The following IGSF11 variants were observed in gnomAD, a reference collection of about 807,000 sequenced individuals.
The protein encoded by IGSF11 is immunoglobulin superfamily member 11.
Under a neutral mutation model 41.0 loss-of-function variants are expected in IGSF11, and 22 were observed. The ratio of observed to expected loss-of-function variants is 0.54; its 90% CI spans 0.38 to 0.77. IGSF11 has a LOEUF of 0.77. IGSF11 is among the 30% of genes least tolerant of loss of function. IGSF11 has a pLI of 0.00. For missense variants in IGSF11, 444 were observed against 530.8 expected (o/e 0.84, Z 1.61); for synonymous variants, 219 against 201.3 (o/e 1.09, Z -0.74).
chr3:118,988,236 T>C (rs1314706307), intron 1 of IGSF11, among the ~76,000 whole-genome samples: 2 of 152,218 alleles, frequency 1.3e-5, no homozygotes, highest in African/African-American at 2.4e-5. Context: ...ATGTACATGA[T>C]AGTGTATGAA....
intron 1 of IGSF11, among the ~76,000 whole-genome samples, chr3:119,056,997 C>G (rs902458531): frequency 1.3e-5 from 2 of 152,150 alleles, no homozygotes; most frequent in Non-Finnish European, 2.9e-5. Context: ...CTATCTATGA[C>G]AAACCCACAG....
intron 1 of IGSF11, among the ~76,000 whole-genome samples, chr3:118,951,475 A>G (rs1944564771): frequency 6.6e-6 from 1 of 152,196 alleles, no homozygotes; most frequent in Admixed American, 6.5e-5. Context: ...TCTATCCTAC[A>G]AAATGTGGTA....
At chr3:119,097,723 C>T (rs2076876866) in intron 1 of IGSF11, among the ~76,000 whole-genome samples, 2 of 152,208 alleles carry the variant, frequency 1.3e-5, no homozygotes, top group African/African-American at 2.4e-5. Context: ...GACTCCATTA[C>T]AAACCTCAAG....
intron 1 of IGSF11, among the ~76,000 whole-genome samples, chr3:118,965,998 C>T (rs903345457): frequency 1.4e-5 from 2 of 147,562 alleles, no homozygotes; most frequent in African/African-American, 2.5e-5. Flanking sequence ...GAAAAGGCCA[C>T]AGAAATGAGA....
At position 118,905,672 on chromosome 3, in the gene IGSF11, A is replaced by AG; in HGVS notation, c.626dup (p.Ser210PhefsTer10). On this transcript the variant is annotated frameshift_variant, in exon 5 of 7. Transcript: ENST00000393775. LOFTEE classifies it high-confidence loss of function. ...AAGCCACGCACTGGTACAAACCTGA[A>AG]GACAGGGCACTGATGTTCCGGATGG... 1 of 1,613,892 alleles carries AG rather than the reference A, an allele frequency of 6.2e-7. No individual in the cohort carries two copies. The highest frequency in any genetic ancestry group is 8.5e-7 in the Non-Finnish European group (1 of 1,179,798).
chr3:119,073,763 G>A lies in IGSF11; in HGVS notation c.49+31381C>T, dbSNP rs1032687806. 9.9e-5 allele frequency among the ~76,000 whole-genome samples: 15 copies of A among 152,126 alleles called. 1 individual carries two copies. The South Asian group carries it at 1.4e-3, about 15-fold the overall frequency. ...GCCTGTGAGCACTGCACACAGCCCC[G>A]GTTTCCACCCACGCCTCTCCCTCCA... On this transcript the variant is annotated intron_variant, in intron 1 of 6. Coordinates refer to the IGSF11 transcript ENST00000354673.
chr3:119,105,203 TG>T, exon 1 of IGSF11: 3 of 1,594,640 alleles, frequency 1.9e-6, no homozygotes, highest in Non-Finnish European at 1.7e-6. Flanking sequence ...TTATTCTTCT[TG>T]CCTGAGGAAG....
intron 1 of IGSF11, among the ~76,000 whole-genome samples, chr3:118,960,982 A>T (rs1408437608): frequency 6.6e-6 from 1 of 152,208 alleles, no homozygotes; most frequent in Non-Finnish European, 1.5e-5. Flanking sequence ...ATTTATTTGA[A>T]ATCTGACCTG....
intron 1 of IGSF11, among the ~76,000 whole-genome samples, chr3:119,112,248 C>G (rs531713829): frequency 6.6e-6 from 1 of 152,214 alleles, no homozygotes; most frequent in African/African-American, 2.4e-5. Context: ...GGGCTCCACC[C>G]AGCTCGAGCT....
At chr3:118,907,591 A>C (rs1237346554) in intron 4 of IGSF11, among the ~76,000 whole-genome samples, 3 of 152,184 alleles carry the variant, frequency 2.0e-5, no homozygotes, top group African/African-American at 7.2e-5. Flanking sequence ...GTGATCAATA[A>C]ATAAAAGTGC....
intron 1 of IGSF11, among the ~76,000 whole-genome samples, chr3:119,110,605 T>C (rs1029362068): frequency 1.1e-4 from 17 of 152,224 alleles, no homozygotes; most frequent in African/African-American, 4.1e-4. Context: ...AAGTTAATAT[T>C]GTTATGTGTG....
chr3:118,986,818 A>G (rs888351080), intron 1 of IGSF11, among the ~76,000 whole-genome samples: 3 of 152,236 alleles, frequency 2.0e-5, no homozygotes, highest in Admixed American at 2.0e-4. Flanking sequence ...AGAAAAGGCA[A>G]TACAAAGAAT....
chr3:119,015,590 G>T (rs1028721943), intron 1 of IGSF11, among the ~76,000 whole-genome samples: 1 of 152,092 alleles, frequency 6.6e-6, no homozygotes, highest in Non-Finnish European at 1.5e-5. Flanking sequence ...GCAGGAACTT[G>T]AGAAAAAACA....
intron 1 of IGSF11, among the ~76,000 whole-genome samples, chr3:119,089,690 A>G (rs1349858478): frequency 6.6e-6 from 1 of 152,198 alleles, no homozygotes; most frequent in Non-Finnish European, 1.5e-5. Flanking sequence ...AAGACTACCA[A>G]AAGGCTTCCA....
chr3:118,960,634 AT>A (rs1419444076), intron 1 of IGSF11, among the ~76,000 whole-genome samples: 5 of 152,210 alleles, frequency 3.3e-5, no homozygotes, highest in Non-Finnish European at 7.4e-5. Context: ...AAACAAAAAA[AT>A]AAAATAAAAA....
At chr3:119,015,756 A>T (rs1938611606) in intron 1 of IGSF11, among the ~76,000 whole-genome samples, 1 of 152,148 alleles carries the variant, frequency 6.6e-6, no homozygotes, top group Admixed American at 6.5e-5. Context: ...GCTAAAAAAA[A>T]AAAAACTGTT....
chr3:119,027,680 C>T (rs975613277), intron 1 of IGSF11, among the ~76,000 whole-genome samples: 1 of 152,042 alleles, frequency 6.6e-6, no homozygotes, highest in Non-Finnish European at 1.5e-5. Flanking sequence ...AGACATAAAC[C>T]ACATAAACTA....
chr3:119,120,657 C>T (rs1162071475), intron 1 of IGSF11, among the ~76,000 whole-genome samples: 1 of 152,170 alleles, frequency 6.6e-6, no homozygotes, highest in Non-Finnish European at 1.5e-5. Flanking sequence ...CCCACCCTAA[C>T]CTTTTGTTAT....
intron 1 of IGSF11, among the ~76,000 whole-genome samples, chr3:119,104,209 C>A (rs1355490033): frequency 6.6e-6 from 1 of 152,186 alleles, no homozygotes; most frequent in Non-Finnish European, 1.5e-5. Flanking sequence ...CAATACCCTG[C>A]AAGAAATCAT....
Sources: gnomAD v4.1 joint callset for allele counts (sites outside exome capture counted in the v4.1 genomes callset) on GRCh38, gnomAD v4.1.1 for gene constraint, MANE v1.5 for transcripts, NCBI Gene and HGNC (gene_info 2026-07-23, HGNC 2026-07-21) for gene names.